ANKRD35: variants seen among roughly 807,000 people sequenced by gnomAD.
The protein encoded by ANKRD35 is ankyrin repeat domain 35.
In ANKRD35, 102 loss-of-function variants were observed where a neutral mutation model predicts 109.9. That is an observed-to-expected ratio of 0.93 (90% CI 0.79 to 1.09). The LOEUF is 1.09. ANKRD35 is among the 50% of genes least tolerant of loss of function. ANKRD35 has a pLI of 0.00. For missense variants in ANKRD35, 1,240 were observed against 1,230.1 expected, an observed-to-expected ratio of 1.01 and a Z score of -0.12; for synonymous variants, 515 against 512.4, an observed-to-expected ratio of 1.01 and a Z score of -0.07.
At chr1:145,879,674 AT>A (rs1247526491) in intron 1 of ANKRD35, among the ~76,000 whole-genome samples, 1 of 152,140 alleles carries the variant, frequency 6.6e-6, no homozygotes, top group Non-Finnish European at 1.5e-5. Context: ...AGTATTTCAA[AT>A]GTCCTTTTGT....
At chr1:145,874,322 G>T in intron 8 of ANKRD35, 130 bp from the exon 9 acceptor site, 1 of 1,026,652 alleles carries the variant, frequency 9.7e-7, no homozygotes, top group Non-Finnish European at 1.5e-6. Flanking sequence ...ACATCTTCCT[G>T]GTGCCAGAAG....
rs376866282 is a variant in ANKRD35, at chr1:145,873,757, G to A, written c.1012C>T (p.Arg338Ter). 9.9e-6 allele frequency: 16 copies of A among 1,612,466 alleles called. No homozygotes were observed. The highest frequency in any genetic ancestry group is 2.2e-5 in the East Asian group (1 of 44,850). ...AAYLDLENQI[R>*]EQAQELGVLL... ...ACCCCTAGCTCCTGCGCCTGCTCTC[G>A]AATCTGGTTCTCAAGGTCCAGATAG... The change falls in exon 10 of 14, where the codon CGA becomes TGA. Residue 338 changes from arginine to a stop codon, truncating the protein, a stop_gained. Coordinates refer to ENST00000355594, the MANE Select transcript of ANKRD35 (RefSeq NM_144698.5). LOFTEE classifies it high-confidence loss of function.
chr1:145,878,147 C>T, intron 3 of ANKRD35, 115 bp from the exon 4 acceptor site: 1 of 1,102,730 alleles, frequency 9.1e-7, no homozygotes, highest in Admixed American at 1.8e-5. Context: ...GAGAAGCTTT[C>T]AGCCACACGG....
chr1:145,868,136 G>C, intron 11 of ANKRD35, 80 bp from the exon 12 acceptor site: 1 of 1,523,590 alleles, frequency 6.6e-7, no homozygotes, highest in Admixed American at 1.7e-5. Context: ...GAAGTGGTCA[G>C]CAGTACCAGG....
intron 1 of ANKRD35, among the ~76,000 whole-genome samples, chr1:145,883,931 A>G (rs1346143730): frequency 6.6e-6 from 1 of 152,196 alleles, no homozygotes; most frequent in Admixed American, 6.5e-5. Flanking sequence ...TAATCTCATT[A>G]TAGTAAGATC....
rs992740040 is a variant in ANKRD35 at position 145,872,419 on chromosome 1, G to C, written c.2350C>G (p.Gln784Glu). The C allele has an allele frequency of 6.8e-6, 11 of 1,612,810 alleles. No homozygotes were observed. In the Admixed American group the frequency reaches 1.0e-4, roughly 15 times the overall value. The change falls in exon 10 of 14, where the codon CAA becomes GAA. Residue 784 changes from glutamine (Q) to glutamate (E), a missense_variant. Physicochemically the swap from Gln to Glu is conservative, Grantham distance 29 (BLOSUM62 2). Transcript: ENST00000355594. ...PASPQVAALE[Q>E]DLGKLEEELR... ...TCTTCCTCCAGCTTCCCCAGGTCTT[G>C]CTCCAGAGCGGCCACTTGGGGGGAT...
intron 1 of ANKRD35, among the ~76,000 whole-genome samples, chr1:145,880,017 T>C (rs1654230363): frequency 6.6e-6 from 1 of 152,144 alleles, no homozygotes; most frequent in Non-Finnish European, 1.5e-5. Context: ...TTGGCGACCG[T>C]CTCTCTCCTT....
chr1:145,868,111 G>T, intron 11 of ANKRD35, 55 bp from the exon 12 acceptor site: 1 of 1,580,658 alleles, frequency 6.3e-7, no homozygotes, highest in South Asian at 1.1e-5. Context: ...ACCCAAGCAT[G>T]AGGAGCAACA....
In ANKRD35 at chr1:145,874,814, G is replaced by C. The variant is rs1553739729; in HGVS notation, c.745+8C>G. 6.3e-7 allele frequency: 1 copy of C among 1,579,086 alleles called. No individual in the cohort carries two copies. The highest frequency in any genetic ancestry group is 8.6e-7 in the Non-Finnish European group (1 of 1,163,232). Reference sequence around the variant, plus strand: ...TAGAGAACGTGGAAGTTACACAAGGGCCTTTACCGCCCCGCCGCCGCCGGC... The same window carrying C: ...TAGAGAACGTGGAAGTTACACAAGGCCCTTTACCGCCCCGCCGCCGCCGGC... On this transcript the variant is annotated splice_region_variant and intron_variant, in intron 8 of 13. Transcript: ENST00000355594.
intron 10 of ANKRD35, among the ~76,000 whole-genome samples, chr1:145,868,919 CTT>C (rs367724523): frequency 5.9e-5 from 9 of 152,238 alleles, no homozygotes; most frequent in Non-Finnish European, 1.0e-4. Context: ...TATTGCTGCA[CTT>C]TTAAGTTTTC....
chr1:145,869,690 A>G (rs587643829), intron 10 of ANKRD35, among the ~76,000 whole-genome samples: 2 of 152,106 alleles, frequency 1.3e-5, no homozygotes, highest in Non-Finnish European at 2.9e-5. Context: ...GCTGGTCTCA[A>G]ACTCGTGGGC....
Position 145,873,788 on chromosome 1 carries a change from A to C in ANKRD35, c.981T>G (p.Ala327=). Residue 327 remains alanine (A), a synonymous_variant, in exon 10 of 14, where the codon GCT becomes GCG. Coordinates refer to ENST00000355594, the MANE Select transcript of ANKRD35 (RefSeq NM_144698.5). ...VQKTEECKTQ[A]AAYLDLENQI... ...GGTTCTCAAGGTCCAGATAGGCTGC[A>C]GCTTGAGTCTTACACTCTTCTGTCT... 4.3e-6 allele frequency: 7 copies of C among 1,610,046 alleles called. No homozygotes were observed. The highest frequency in any genetic ancestry group is 3.3e-5 in the South Asian group (3 of 90,566).
Position 145,876,884 on chromosome 1 carries a change from C to T in ANKRD35, c.325-11G>A. 6.2e-7 allele frequency: 1 copy of T among 1,613,908 alleles called. No individual in the cohort carries two copies. On this transcript the variant is annotated splice_polypyrimidine_tract_variant and intron_variant, in intron 4 of 13. Coordinates refer to ENST00000355594, the MANE Select transcript of ANKRD35 (RefSeq NM_144698.5). ...TTCATTAGCACCATGCTGCAAATGG[C>T]CACAAAGGGAAGCAGCATGGAGCTT...
chr1:145,879,231 G>T (rs1253717599), intron 2 of ANKRD35, 27 bp downstream of exon 2: 1 of 1,548,358 alleles, frequency 6.5e-7, no homozygotes, highest in Non-Finnish European at 8.7e-7. Flanking sequence ...CCACATGTAA[G>T]GGGCAGGGGC....
chr1:145,871,058 G>A (rs587628446), intron 10 of ANKRD35, among the ~76,000 whole-genome samples: 4 of 150,646 alleles, frequency 2.7e-5, no homozygotes, highest in Admixed American at 2.6e-4. Context: ...ATAGAAACAT[G>A]TAGACTCACA....
chr1:145,868,157 G>A, intron 11 of ANKRD35, 101 bp from the exon 12 acceptor site: 1 of 1,464,100 alleles, frequency 6.8e-7, no homozygotes. Context: ...TGGGCTCGTT[G>A]GCCCATCACT....
rs782351539 is a variant in ANKRD35 at position 145,873,423 on chromosome 1, G to A, written c.1346C>T (p.Ala449Val). 3.1e-6 allele frequency: 5 copies of A among 1,614,106 alleles called. No homozygotes were observed. In the Admixed American group the frequency reaches 8.3e-5, roughly 27 times the overall value. The change falls in exon 10 of 14, where the codon GCA becomes GTA. Residue 449 changes from alanine (A) to valine (V), a missense_variant. Coordinates refer to ENST00000355594, the MANE Select transcript of ANKRD35 (RefSeq NM_144698.5). ...ATGQQLTTNG[A>V]QTFGPDHADQ... is the part of the protein sequence containing the mutation. ...AGCATGATCAGGGCCAAAGGTCTGT[G>A]CCCCATTGGTAGTCAGTTGCTGTCC...
chr1:145,881,949 C>CTTTTTTTTT (rs782253954), intron 1 of ANKRD35, among the ~76,000 whole-genome samples: 5 of 104,634 alleles, frequency 4.8e-5, no homozygotes, highest in African/African-American at 1.1e-4. Flanking sequence ...CTTTCCCCTT[C>CTTTTTTTTT]TTTTTTTTTT....
At chr1:145,881,320 A>C (rs868928065) in intron 1 of ANKRD35, among the ~76,000 whole-genome samples, 12 of 152,132 alleles carry the variant, frequency 7.9e-5, no homozygotes, top group African/African-American at 2.9e-4. Context: ...AACCCAGTCC[A>C]CCTGATGCCA....
Sources: allele counts gnomAD v4.1 joint callset (sites outside exome capture counted in the v4.1 genomes callset), GRCh38; gene constraint gnomAD v4.1.1; transcripts MANE v1.5; gene names NCBI Gene and HGNC (gene_info 2026-07-23, HGNC 2026-07-21).